EXOC3: variants seen among roughly 807,000 people sequenced by gnomAD.
EXOC3 encodes the protein exocyst complex component 3.
In EXOC3, 21 loss-of-function variants were observed where a neutral mutation model predicts 73.7. The ratio of observed to expected loss-of-function variants is 0.29; its 90% CI spans 0.20 to 0.41. The LOEUF (loss-of-function observed/expected upper bound fraction) is 0.41. Among genes scored for constraint, EXOC3 ranks in the 10% least tolerant of loss-of-function variants. The pLI is 1.00. For missense variants in EXOC3, 842 were observed against 985.1 expected (o/e 0.85, Z 1.95); for synonymous variants, 410 against 389.1 (o/e 1.05, Z -0.63).
chr5:466,404 G>A (rs1348475452), intron 12 of EXOC3: 5 of 316,850 alleles, frequency 1.6e-5, no homozygotes, highest in Admixed American at 4.6e-5. Context: ...GGCTGCAGCC[G>A]CGTCACCTCC....
rs184374989 is a variant in EXOC3, at chr5:447,232, G to C, written c.145-301G>C. The C allele has an allele frequency of 1.4e-3, 412 of 303,560 alleles. 1 individual carries two copies. Among genetic ancestry groups the C allele is most frequent in the African/African-American group, 8.4e-3 (383 of 45,746 alleles). The allele number at this position is 303,560 out of a possible 1,614,324, so 18.8% of individuals were successfully genotyped here. A position where few individuals can be genotyped will look rare whatever the true frequency, so the allele number is the denominator to read the frequency against. Reference sequence around the variant, plus strand: ...AGGTACCGTAGCAGGCCACGGCCCAGGGCAGACCCGTGGTAGTGTCCAGGA... The same window carrying C: ...AGGTACCGTAGCAGGCCACGGCCCACGGCAGACCCGTGGTAGTGTCCAGGA... On this transcript the variant is annotated intron_variant, in intron 2 of 12. Transcript: ENST00000512944.
At chr5:463,844 C>G (rs1022149199) in intron 9 of EXOC3, among the ~76,000 whole-genome samples, 4 of 152,096 alleles carry the variant, frequency 2.6e-5, no homozygotes, top group African/African-American at 9.7e-5. Context: ...CAAATAAATA[C>G]GATAAATATA....
At position 443,220 on chromosome 5, in the gene EXOC3, GGGCGGCGGGGGCGGCGGCGGCGGCGGC is replaced by G. The variant is rs1737381338; in HGVS notation, c.-118_-92del. On this transcript the variant is annotated 5_prime_UTR_variant, in exon 1 of 13. Coordinates refer to ENST00000512944, the MANE Select transcript of EXOC3 (RefSeq NM_007277.5). ...GAGGCGGAGGCAGCGAAGGCGGAGGGGGCGGCGGGGGCGGCGGCGGCGGCGGCGGCGGCGGCGGCGGCGGCGGCGGCG... is the reference window on the plus strand; with the variant it reads ...GAGGCGGAGGCAGCGAAGGCGGAGGGGGCGGCGGCGGCGGCGGCGGCGGCG... The G allele has an allele frequency of 3.9e-5, 6 of 152,986 alleles. 2 individuals are homozygous for G. Among genetic ancestry groups the G allele is most frequent in the South Asian group, 1.7e-4 (1 of 5,810 alleles). 9.5% of individuals were successfully genotyped at this position (152,986 alleles called of 1,614,324 possible).
rs1737725273 is a variant in EXOC3, at chr5:453,826, G to A, written c.821G>A (p.Trp274Ter). ...GATACCAGAGAGTCTGACAAGATGTGGCTTGTCCGCCACCTGGAAATTATA... is the reference window on the plus strand; with the variant it reads ...GATACCAGAGAGTCTGACAAGATGTAGCTTGTCCGCCACCTGGAAATTATA... ...QADTRESDKM[W>*]LVRHLEIIRK... The change falls in exon 4 of 13, where the codon TGG becomes TAG. Residue 274 changes from tryptophan (W) to a stop codon, truncating the protein, a stop_gained. Transcript: ENST00000512944. LOFTEE classifies it high-confidence loss of function. 6.2e-7 allele frequency: 1 copy of A among 1,613,884 alleles called. No homozygotes were observed. The highest frequency in any genetic ancestry group is 8.5e-7 in the Non-Finnish European group (1 of 1,179,856).
At chr5:463,652 TGGA>T (rs1412195785) in intron 9 of EXOC3, among the ~76,000 whole-genome samples, 1 of 152,116 alleles carries the variant, frequency 6.6e-6, no homozygotes, top group Non-Finnish European at 1.5e-5. Flanking sequence ...ACACTTCTAT[TGGA>T]GTTTTAATTT....
At position 453,394 on chromosome 5, in the gene EXOC3, A is replaced by G. The variant is rs1176949629; in HGVS notation, c.389A>G (p.Gln130Arg). 3 of 1,590,156 alleles carry G rather than the reference A, an allele frequency of 1.9e-6. No individual in the cohort carries two copies. The highest frequency in any genetic ancestry group is 1.8e-5 in the Admixed American group (1 of 56,052). The stretch of plus-strand genomic sequence containing the variant: ...GTGCCTGAGATTGTGAGGGAGACCC[A>G]GGACCTAATTGAACAAGGGGCACTC... ...FSVPEIVRET[Q>R]DLIEQGALLQ... Residue 130 changes from glutamine to arginine, a missense_variant, in exon 4 of 13, where the codon CAG becomes CGG. Coordinates refer to ENST00000512944, the MANE Select transcript of EXOC3 (RefSeq NM_007277.5).
At chr5:465,294 G>C (rs1269153443) in intron 11 of EXOC3, 22 bp downstream of exon 11, 3 of 1,563,390 alleles carry the variant, frequency 1.9e-6, no homozygotes, top group African/African-American at 2.7e-5. Context: ...GCAGGTCCGG[G>C]CTGGAGAAGG....
Position 450,233 on chromosome 5 carries a change from C to T in EXOC3, c.364+2481C>T, listed in dbSNP as rs569740775. Reference sequence around the variant, plus strand: ...TGCACTCCAGCCAGGGGGACAAGAGCGAGACTTCATCTGAAAAACAAAACA... The same window carrying T: ...TGCACTCCAGCCAGGGGGACAAGAGTGAGACTTCATCTGAAAAACAAAACA... On this transcript the variant is annotated intron_variant, in intron 3 of 12. Coordinates refer to ENST00000512944, the MANE Select transcript of EXOC3 (RefSeq NM_007277.5). Among the ~76,000 whole-genome samples, 9 of 152,298 alleles carry T rather than the reference C, an allele frequency of 5.9e-5. No homozygotes were observed. In the East Asian group the frequency reaches 1.3e-3, roughly 23 times the overall value.
At position 465,744 on chromosome 5, in the gene EXOC3, C is replaced by T. The variant is rs558794807; in HGVS notation, c.1965C>T (p.Tyr655=). The T allele has an allele frequency of 1.2e-6, 2 of 1,613,934 alleles. No homozygotes were observed. The highest frequency in any genetic ancestry group is 2.2e-5 in the East Asian group (1 of 44,882). The change falls in exon 12 of 13, where the codon TAC becomes TAT. Residue 655 remains tyrosine, a synonymous_variant. Coordinates refer to ENST00000512944, the MANE Select transcript of EXOC3 (RefSeq NM_007277.5). The part of the protein sequence containing the change: ...ASGFGEDVDG[Y]CDTIVAVAEV... ...GTTTCGGGGAAGACGTGGACGGATA[C>T]TGCGACACCATCGTGGCTGTGGCCG...
rs767806146 is a variant in EXOC3, at chr5:462,254, A to G, written c.1600A>G (p.Ile534Val). 27 of 1,613,998 alleles carry G rather than the reference A, an allele frequency of 1.7e-5. No homozygotes were observed. The Admixed American group carries it at 3.7e-4, about 22-fold the overall frequency. The part of the protein sequence containing the change: ...QPSMDGILDA[I>V]AKEGCSGLLE... ...CAGCATGGACGGGATTTTAGACGCCATCGCGAAGGAGGGCTGCAGCGGTTT... is the reference window on the plus strand; with the variant it reads ...CAGCATGGACGGGATTTTAGACGCCGTCGCGAAGGAGGGCTGCAGCGGTTT... The change falls in exon 9 of 13, where the codon ATC becomes GTC. Residue 534 changes from isoleucine to valine, a missense_variant. Transcript: ENST00000512944.
chr5:456,121 A>G (rs534584356), intron 4 of EXOC3, among the ~76,000 whole-genome samples: 2 of 152,258 alleles, frequency 1.3e-5, no homozygotes, highest in South Asian at 2.1e-4. Context: ...TCCATACTCA[A>G]TGGGGAGGGA....
At position 467,052 on chromosome 5, in the gene EXOC3, T is replaced by A. The variant is rs1738173998; in HGVS notation, c.*154T>A. ...TGTGATGCACCGGGTGTGCGTCGAG[T>A]GAGCGTCCCGAGGCCACGTGCGGAG... On this transcript the variant is annotated 3_prime_UTR_variant, in exon 13 of 13. Coordinates refer to ENST00000512944, the MANE Select transcript of EXOC3 (RefSeq NM_007277.5). The A allele has an allele frequency of 1.3e-6, 1 of 796,072 alleles. No homozygotes were observed. The highest frequency in any genetic ancestry group is 2.0e-6 in the Non-Finnish European group (1 of 511,220). The allele number at this position is 796,072 out of a possible 1,614,324, so 49.3% of individuals were successfully genotyped here.
intron 3 of EXOC3, among the ~76,000 whole-genome samples, chr5:449,206 T>A (rs1187081601): frequency 6.6e-6 from 1 of 152,230 alleles, no homozygotes; most frequent in Non-Finnish European, 1.5e-5. Flanking sequence ...TTGAGAAGAT[T>A]GGTTTGGTTG....
chr5:453,497 T>C lies in EXOC3; in HGVS notation c.492T>C (p.Ser164=). The change falls in exon 4 of 13, where the codon AGT becomes AGC. Residue 164 remains serine, a synonymous_variant. Transcript: ENST00000512944. ...GLMYEQYRMD[S]GNTRDMTLIH... is the part of the protein sequence containing the mutation. ...TGTACGAGCAGTACCGCATGGACAGTGGGAACACGCGTGACATGACCCTCA... is the reference window on the plus strand; with the variant it reads ...TGTACGAGCAGTACCGCATGGACAGCGGGAACACGCGTGACATGACCCTCA... The C allele has an allele frequency of 6.2e-7, 1 of 1,613,950 alleles. No individual in the cohort carries two copies.
intron 11 of EXOC3, 119 bp downstream of exon 11, chr5:465,391 AGCCTGGGTCCAGGTCCT>A (rs1323518961): frequency 8.3e-7 from 1 of 1,208,012 alleles, no homozygotes; most frequent in Non-Finnish European, 1.1e-6. Context: ...AGGCGGGGGG[AGCCTGGGTCCAGGTCCT>A]GCCTGACCTT....
chr5:454,886 T>C (rs1737760043), intron 4 of EXOC3, among the ~76,000 whole-genome samples: 1 of 151,738 alleles, frequency 6.6e-6, no homozygotes, highest in Non-Finnish European at 1.5e-5. Context: ...TTTTTTTTTT[T>C]TTAGCAGTAA....
Position 466,716 on chromosome 5 carries a change from C to T in EXOC3, c.2067-11C>T. The T allele has an allele frequency of 2.5e-6, 4 of 1,607,522 alleles. No homozygotes were observed. Among genetic ancestry groups the T allele is most frequent in the Non-Finnish European group, 1.7e-6 (2 of 1,176,124 alleles). On this transcript the variant is annotated splice_polypyrimidine_tract_variant and intron_variant, in intron 12 of 12. Coordinates refer to ENST00000512944, the MANE Select transcript of EXOC3 (RefSeq NM_007277.5). ...CTAAGTGGGCATGGGCTGACATCTC[C>T]CCATCCCCAGGGATGACCACATCGG...
chr5:457,886 T>G lies in EXOC3; in HGVS notation c.1165-14T>G. On this transcript the variant is annotated splice_polypyrimidine_tract_variant and intron_variant, in intron 5 of 12. Coordinates refer to ENST00000512944, the MANE Select transcript of EXOC3 (RefSeq NM_007277.5). The stretch of plus-strand genomic sequence containing the variant: ...TTCTCTCTTCTCTTCTCCATGATGC[T>G]GAACTTTCTTTAGTCAAACATCATC... 1 of 1,598,620 alleles carries G rather than the reference T, an allele frequency of 6.3e-7. No individual in the cohort carries two copies. Among genetic ancestry groups the G allele is most frequent in the African/African-American group, 1.3e-5 (1 of 74,768 alleles).
At chr5:456,615 A>G (rs1737821982) in intron 4 of EXOC3, among the ~76,000 whole-genome samples, 1 of 152,102 alleles carries the variant, frequency 6.6e-6, no homozygotes, top group African/African-American at 2.4e-5. Context: ...CCAGTGGGTG[A>G]TGCCACAGAG....
Sources: allele counts gnomAD v4.1 joint callset (sites outside exome capture counted in the v4.1 genomes callset), GRCh38; gene constraint gnomAD v4.1.1; transcripts MANE v1.5; gene names NCBI Gene and HGNC (gene_info 2026-07-23, HGNC 2026-07-21).